The following BLTP1 variants were observed in gnomAD, a reference collection of about 807,000 sequenced individuals.
BLTP1 encodes fragile site-associated protein.
At chr4:122,213,129 C>G in the BLTP1 span, among the ~76,000 whole-genome samples, 2 of 152,092 alleles carry the variant, frequency 1.3e-5, no homozygotes, top group Non-Finnish European at 2.9e-5. Context: ...AACTCCAGGG[C>G]TCAAGTGATC....
At chr4:122,326,079 T>C in the BLTP1 span, among the ~76,000 whole-genome samples, 646 of 151,758 alleles carry the variant, frequency 4.3e-3, 2 homozygotes, top group African/African-American at 0.014. Flanking sequence ...CTTGCATGCA[T>C]TTGTCTTGGT....
the BLTP1 span, chr4:122,264,464 C>T: frequency 6.6e-7 from 1 of 1,523,700 alleles, no homozygotes; most frequent in Non-Finnish European, 8.8e-7. Flanking sequence ...ATAATAATAC[C>T]TCCTTAGGCA....
chr4:122,293,374 G>A, the BLTP1 span, among the ~76,000 whole-genome samples: 3 of 152,168 alleles, frequency 2.0e-5, no homozygotes, highest in Non-Finnish European at 4.4e-5. Flanking sequence ...ACCACGGAGG[G>A]CAAGGAAAAG....
chr4:122,190,221 T>A, the BLTP1 span: 1 of 1,140,322 alleles, frequency 8.8e-7, no homozygotes, highest in East Asian at 2.7e-5. Context: ...TTCAGCCTCC[T>A]GAGTTGCTAA....
chr4:122,177,844 TTGC>T, the BLTP1 span: 1 of 152,384 alleles, frequency 6.6e-6, no homozygotes, highest in East Asian at 1.9e-4. Flanking sequence ...TCCACTAACC[TTGC>T]TTTTATTTTC....
At chr4:122,261,815 C>T in the BLTP1 span, 2 of 984,112 alleles carry the variant, frequency 2.0e-6, no homozygotes, top group East Asian at 1.1e-4. Context: ...GTGTTTAATA[C>T]GTTGTGAGTG....
At chr4:122,350,012 C>A in the BLTP1 span, 3 of 1,613,896 alleles carry the variant, frequency 1.9e-6, no homozygotes, top group Non-Finnish European at 2.5e-6. Flanking sequence ...ACCTGGGGAC[C>A]AGTTCCTTAC....
chr4:122,261,794 A>G, the BLTP1 span: 1 of 979,708 alleles, frequency 1.0e-6, no homozygotes, highest in African/African-American at 1.8e-5. Context: ...TACATGAAAC[A>G]TGCTTATCAA....
At chr4:122,340,929 T>C in the BLTP1 span, 4 of 745,360 alleles carry the variant, frequency 5.4e-6, no homozygotes, top group Non-Finnish European at 6.5e-6. Flanking sequence ...TCTGTAGTGA[T>C]ACCATATTTT....
chr4:122,323,699 T>C, the BLTP1 span, among the ~76,000 whole-genome samples: 1 of 152,106 alleles, frequency 6.6e-6, no homozygotes, highest in South Asian at 2.1e-4. Context: ...TAATTTTATA[T>C]TTTAAATTTT....
chr4:122,162,505 C>T, the BLTP1 span: 1 of 985,344 alleles, frequency 1.0e-6, no homozygotes, highest in Non-Finnish European at 1.2e-6. Flanking sequence ...TTGTAATCAA[C>T]CAGTTCTTTC....
chr4:122,239,395 ATTTTCT>A, the BLTP1 span: 1 of 858,142 alleles, frequency 1.2e-6, no homozygotes, highest in Non-Finnish European at 1.7e-6. Context: ...AAAATTGTAG[ATTTTCT>A]TTTACTTGTA....
At chr4:122,274,334 AT>A in the BLTP1 span, 1 of 1,328,142 alleles carries the variant, frequency 7.5e-7, no homozygotes, top group Non-Finnish European at 1.1e-6. Context: ...ATTTTTTCTC[AT>A]ATTTAAGATG....
chr4:122,272,315 A>G, the BLTP1 span: 9 of 1,613,330 alleles, frequency 5.6e-6, no homozygotes, highest in Middle Eastern at 1.6e-4. Context: ...GGTGAACCGC[A>G]CACACCTAGA....
At chr4:122,247,839 C>T in the BLTP1 span, 1 of 981,874 alleles carries the variant, frequency 1.0e-6, no homozygotes, top group East Asian at 1.1e-4. Flanking sequence ...GAAAGTAGAG[C>T]TGTTATACAT....
At chr4:122,170,305 CAAAAAAAAAAAA>C in the BLTP1 span, 29 of 735,368 alleles carry the variant, frequency 3.9e-5, no homozygotes, top group Non-Finnish European at 4.4e-5. Flanking sequence ...AACTCCTTCT[CAAAAAAAAAAAA>C]AAAAAAAAAA....
At chr4:122,185,039 G>T in the BLTP1 span, 1 of 985,166 alleles carries the variant, frequency 1.0e-6, no homozygotes, top group Non-Finnish European at 1.2e-6. Flanking sequence ...ATAGCAAAAC[G>T]ATAGAAGACT....
the BLTP1 span, chr4:122,222,843 A>C: frequency 4.5e-6 from 1 of 224,028 alleles, no homozygotes; most frequent in African/African-American, 2.3e-5. Context: ...TTCAGACTTG[A>C]ACATATATTT....
At chr4:122,338,760 C>T in the BLTP1 span, among the ~76,000 whole-genome samples, 483 of 152,130 alleles carry the variant, frequency 3.2e-3, 3 homozygotes, top group African/African-American at 0.011. Context: ...CCATGTTTGG[C>T]GGAAAAAAAT....
Sources: allele counts gnomAD v4.1 joint callset (sites outside exome capture counted in the v4.1 genomes callset), GRCh38; gene constraint gnomAD v4.1.1; transcripts MANE v1.5; gene names NCBI Gene and HGNC (gene_info 2026-07-23, HGNC 2026-07-21).